The following CSNK1G2 variants were observed in gnomAD, a reference collection of about 807,000 sequenced individuals.
The protein encoded by CSNK1G2 is casein kinase 1 gamma 2, also known as casein kinase I isoform gamma-2.
Under a neutral mutation model 48.0 loss-of-function variants are expected in CSNK1G2, and 11 were observed. The ratio of observed to expected loss-of-function variants is 0.23; its 90% confidence interval spans 0.14 to 0.38. The LOEUF is 0.38. Ranked by LOEUF, CSNK1G2 falls within the 10% of genes least tolerant of loss-of-function variation. The pLI, the probability that CSNK1G2 is intolerant of heterozygous loss-of-function variation, is 1.00. For missense variants in CSNK1G2, 446 were observed against 595.5 expected (o/e 0.75, Z 2.61); for synonymous variants, 337 against 254.1 (o/e 1.33, Z -3.10).
Position 1,979,203 on chromosome 19 carries a change from G to T in CSNK1G2, c.723G>T (p.Met241Ile). The change falls in exon 7 of 12, where the codon ATG (methionine) becomes ATT (isoleucine). Residue 241 changes from methionine (M) to isoleucine (I), a missense_variant. Coordinates refer to ENST00000255641, the MANE Select transcript of CSNK1G2 (RefSeq NM_001319.7). Reference protein sequence around the residue: ...RRDDLEALGHMFMYFLRGSLP... With the variant: ...RRDDLEALGHIFMYFLRGSLP... ...ACGACCTGGAGGCGCTGGGCCACAT[G>T]TTCATGTACTTCCTGCGCGGCAGCC... 6.5e-7 allele frequency: 1 copy of T among 1,545,804 alleles called. No homozygotes were observed.
chr19:1,944,243 CCA>C (rs901353800), intron 1 of CSNK1G2, among the ~76,000 whole-genome samples: 2 of 152,136 alleles, frequency 1.3e-5, no homozygotes, highest in African/African-American at 4.8e-5. Context: ...CCGCCGGCAG[CCA>C]CACGAGAGAA....
In CSNK1G2 at chr19:1,980,133, C is replaced by G; in HGVS notation, c.1194-16C>G. ...CTGCACCCCGGTCCTCCTACCTGAG[C>G]CACTGCCCTCCTCAGATGCTGCTGT... is the stretch of plus-strand genomic sequence containing the variant. On this transcript the variant is annotated splice_polypyrimidine_tract_variant and intron_variant, in intron 11 of 11. Coordinates refer to ENST00000255641, the MANE Select transcript of CSNK1G2 (RefSeq NM_001319.7). 2.0e-5 allele frequency: 33 copies of G among 1,612,786 alleles called. No individual in the cohort carries two copies. The highest frequency in any genetic ancestry group is 2.8e-5 in the Non-Finnish European group (33 of 1,179,792).
chr19:1,944,985 G>A (rs1449506769), intron 1 of CSNK1G2, among the ~76,000 whole-genome samples: 1 of 152,242 alleles, frequency 6.6e-6, no homozygotes, highest in Non-Finnish European at 1.5e-5. Flanking sequence ...ACCAGCAAGG[G>A]CATGGGACAA....
chr19:1,960,814 G>A (rs144670649), intron 1 of CSNK1G2, among the ~76,000 whole-genome samples: 2 of 152,268 alleles, frequency 1.3e-5, no homozygotes, highest in East Asian at 1.9e-4. Flanking sequence ...ACTTGAACCC[G>A]GGAGGCGGAG....
intron 2 of CSNK1G2, among the ~76,000 whole-genome samples, chr19:1,971,605 C>T (rs1254343036): frequency 6.6e-6 from 1 of 152,190 alleles, no homozygotes; most frequent in Non-Finnish European, 1.5e-5. Context: ...ACAGGCTCAT[C>T]TGCACACACA....
At position 1,967,312 on chromosome 19, in the gene CSNK1G2, G is replaced by GCACCCACGGCCCCTCTT. The variant is rs1203392961; in HGVS notation, c.-265-2190_-265-2174dup. Among the ~76,000 whole-genome samples the GCACCCACGGCCCCTCTT allele has an allele frequency of 2.6e-5, 4 of 152,274 alleles. 1 individual carries two copies. The highest frequency in any genetic ancestry group is 1.9e-4 in the East Asian group (1 of 5,186). On this transcript the variant is annotated intron_variant, in intron 1 of 11. Coordinates refer to ENST00000255641, the MANE Select transcript of CSNK1G2 (RefSeq NM_001319.7). Reference sequence around the variant, plus strand: ...TCCTAACATTTTCGGCGATGGCTGTGCACCCACGGCCCCTCTTCACCCGCG... The same window carrying GCACCCACGGCCCCTCTT: ...TCCTAACATTTTCGGCGATGGCTGTGCACCCACGGCCCCTCTTCACCCACGGCCCCTCTTCACCCGCG...
intron 1 of CSNK1G2, among the ~76,000 whole-genome samples, chr19:1,947,302 T>C (rs931247589): frequency 6.6e-6 from 1 of 152,238 alleles, no homozygotes; most frequent in African/African-American, 2.4e-5. Context: ...CTTCAGGCCC[T>C]GTTGCAGGTG....
chr19:1,945,780 C>A (rs2014532006), intron 1 of CSNK1G2, among the ~76,000 whole-genome samples: 1 of 151,348 alleles, frequency 6.6e-6, no homozygotes, highest in Non-Finnish European at 1.5e-5. Context: ...CAGGATCGCG[C>A]CACTGCACTC....
At chr19:1,949,284 T>C (rs2014679021) in intron 1 of CSNK1G2, among the ~76,000 whole-genome samples, 1 of 152,166 alleles carries the variant, frequency 6.6e-6, no homozygotes, top group South Asian at 2.1e-4. Flanking sequence ...ATTGAGACGC[T>C]GTCTTCGTGA....
chr19:1,965,673 A>G (rs571174027), intron 1 of CSNK1G2, among the ~76,000 whole-genome samples: 1 of 151,654 alleles, frequency 6.6e-6, no homozygotes, highest in South Asian at 2.1e-4. Flanking sequence ...GCTAATTTTT[A>G]TATTTTTTCA....
At position 1,979,083 on chromosome 19, in the gene CSNK1G2, C is replaced by T. The variant is rs2015871398; in HGVS notation, c.672C>T (p.His224=). Residue 224 remains histidine, a synonymous_variant, in exon 6 of 12, where the codon CAC becomes CAT. Coordinates refer to ENST00000255641, the MANE Select transcript of CSNK1G2 (RefSeq NM_001319.7). ...GTARYMSINT[H]LGKEQSRRDD... is the part of the protein sequence containing the mutation. ...CGCGCTACATGAGCATCAACACGCACCTGGGCAAGGGTGAGCTGCGCGCGC... is the reference window on the plus strand; with the variant it reads ...CGCGCTACATGAGCATCAACACGCATCTGGGCAAGGGTGAGCTGCGCGCGC... The T allele has an allele frequency of 4.4e-6, 7 of 1,597,168 alleles. No individual in the cohort carries two copies. Among genetic ancestry groups the T allele is most frequent in the Non-Finnish European group, 5.1e-6 (6 of 1,177,940 alleles).
chr19:1,975,577 G>T, intron 2 of CSNK1G2: 1 of 985,468 alleles, frequency 1.0e-6, no homozygotes, highest in Non-Finnish European at 1.2e-6. Flanking sequence ...CACCGCAGGG[G>T]CAGCCTTTTG....
chr19:1,975,301 A>C (rs897776406), intron 2 of CSNK1G2: 273 of 985,366 alleles, frequency 2.8e-4, no homozygotes, highest in Non-Finnish European at 3.0e-4. Flanking sequence ...GGTGTAGCAC[A>C]CAGGCGAGGG....
intron 1 of CSNK1G2, among the ~76,000 whole-genome samples, chr19:1,964,647 C>T (rs1297699775): frequency 6.6e-6 from 1 of 152,158 alleles, no homozygotes; most frequent in African/African-American, 2.4e-5. Flanking sequence ...GCCTGGGTGA[C>T]AGCACATCTG....
At chr19:1,966,425 G>A (rs550483229) in intron 1 of CSNK1G2, among the ~76,000 whole-genome samples, 22 of 152,314 alleles carry the variant, frequency 1.4e-4, no homozygotes, top group Admixed American at 6.5e-4. Flanking sequence ...CATTGTCGCT[G>A]TCTCGCGAGA....
At chr19:1,953,097 G>A (rs954150496) in intron 1 of CSNK1G2, 30 of 399,970 alleles carry the variant, frequency 7.5e-5, no homozygotes, top group South Asian at 4.0e-4. Context: ...GGAAGGACCC[G>A]TGTCCTCTCA....
At chr19:1,943,428 C>T (rs1644943227) in intron 1 of CSNK1G2, among the ~76,000 whole-genome samples, 1 of 152,166 alleles carries the variant, frequency 6.6e-6, no homozygotes, top group Non-Finnish European at 1.5e-5. Flanking sequence ...GTGGAATTGC[C>T]GATTTGGGTT....
chr19:1,954,305 G>A lies in CSNK1G2; in HGVS notation c.-266+12887G>A, dbSNP rs2014902010. 5 of 233,110 alleles carry A rather than the reference G, an allele frequency of 2.1e-5. No homozygotes were observed. In the South Asian group the frequency reaches 2.5e-4, roughly 12 times the overall value. 14.4% of individuals were successfully genotyped at this position (233,110 alleles called of 1,614,324 possible). On this transcript the variant is annotated intron_variant, in intron 1 of 11. Transcript: ENST00000255641. ...GTATGTGCTGCCCTGGTGTTCGGGG[G>A]CTCTTGGGTCCTGGGGCGCTGCAAC...
intron 2 of CSNK1G2, chr19:1,975,566 C>T (rs1260861986): frequency 2.0e-6 from 2 of 985,334 alleles, no homozygotes; most frequent in African/African-American, 1.7e-5. Context: ...GGCGAGGAGC[C>T]CACCGCAGGG....
Sources: gnomAD v4.1 joint callset for allele counts (sites outside exome capture counted in the v4.1 genomes callset) on GRCh38, gnomAD v4.1.1 for gene constraint, MANE v1.5 for transcripts, NCBI Gene and HGNC (gene_info 2026-07-23, HGNC 2026-07-21) for gene names.